Variants in TMOD1 observed in about 807,000 individuals in gnomAD.
TMOD1 encodes the protein tropomodulin-1.
In TMOD1, 17 loss-of-function variants were observed where a neutral mutation model predicts 40.6. The observed-to-expected ratio is 0.42, with a 90% CI of 0.29 to 0.63. The LOEUF (loss-of-function observed/expected upper bound fraction) is 0.63. TMOD1 is among the 20% of genes least tolerant of loss of function. The pLI, the probability that TMOD1 is intolerant of heterozygous loss-of-function variation, is 0.22. For missense variants in TMOD1, 391 were observed against 447.6 expected (o/e 0.87, Z 1.14); for synonymous variants, 181 against 175.0 (o/e 1.03, Z -0.27).
At chr9:97,593,871 T>C (rs76156024) in intron 9 of TMOD1, among the ~76,000 whole-genome samples, 2,132 of 151,742 alleles carry the variant, frequency 0.014, 103 homozygotes, top group East Asian at 0.13. Context: ...TCTAAAAGGA[T>C]TGGAGGAACT....
At chr9:97,541,969 T>G (rs1274357097) in intron 2 of TMOD1, among the ~76,000 whole-genome samples, 1 of 152,250 alleles carries the variant, frequency 6.6e-6, no homozygotes, top group African/African-American at 2.4e-5. Flanking sequence ...AGCACAAATG[T>G]TTTTAATTTT....
At position 97,546,167 on chromosome 9, in the gene TMOD1, C is replaced by G. The variant is rs746936726; in HGVS notation, c.121-18C>G. 1.9e-6 allele frequency: 3 copies of G among 1,594,918 alleles called. No individual in the cohort carries two copies. Among genetic ancestry groups the G allele is most frequent in the Non-Finnish European group, 1.7e-6 (2 of 1,173,524 alleles). On this transcript the variant is annotated intron_variant, in intron 2 of 9. Coordinates refer to ENST00000259365, the MANE Select transcript of TMOD1 (RefSeq NM_003275.4). ...CTCTCTTTCTCTCTCTCCTGCCCCC[C>G]CACAACCTCCAATGTAGAATGCACT...
intron 2 of TMOD1, among the ~76,000 whole-genome samples, chr9:97,533,764 C>T (rs79748840): frequency 0.021 from 3,224 of 152,320 alleles, 124 homozygotes; most frequent in African/African-American, 0.073. Flanking sequence ...GGCCTCACAG[C>T]CCTGGGCTGA....
chr9:97,502,320 G>T lies in TMOD1; in HGVS notation c.-49+517G>T, dbSNP rs1053597400. 3.3e-5 allele frequency among the ~76,000 whole-genome samples: 5 copies of T among 152,210 alleles called. No homozygotes were observed. Among genetic ancestry groups the T allele is most frequent in the Admixed American group, 2.6e-4 (4 of 15,292 alleles). Reference sequence around the variant, plus strand: ...AGGCTCGACTGGACGTGGATCCCAGGTTCGCGCTGAGAGTGTTTGGGGCAG... The same window carrying T: ...AGGCTCGACTGGACGTGGATCCCAGTTTCGCGCTGAGAGTGTTTGGGGCAG... On this transcript the variant is annotated intron_variant, in intron 1 of 9. Transcript: ENST00000259365. This position sits in a 1 kb window ranked among gnomAD's most constrained non-coding sequence, Gnocchi z 6.1.
At chr9:97,567,623 C>T (rs1238807818) in intron 7 of TMOD1, among the ~76,000 whole-genome samples, 2 of 152,144 alleles carry the variant, frequency 1.3e-5, no homozygotes, top group Non-Finnish European at 2.9e-5. Context: ...TAAGCCAGGC[C>T]AGGCCTTTCC....
At position 97,582,180 on chromosome 9, in the gene TMOD1, G is replaced by C. The variant is rs1463064912; in HGVS notation, c.871-9111G>C. ...CCATCTTGAATTGATTTTTGTAGAAGGTGTAAGGAAGGGATCCAGTTTCAG... is the reference window on the plus strand; with the variant it reads ...CCATCTTGAATTGATTTTTGTAGAACGTGTAAGGAAGGGATCCAGTTTCAG... On this transcript the variant is annotated intron_variant, in intron 8 of 9. Transcript: ENST00000259365. Among the ~76,000 whole-genome samples, 4 of 151,524 alleles carry C rather than the reference G, an allele frequency of 2.6e-5. No homozygotes were observed. In the East Asian group the frequency reaches 7.8e-4, roughly 29 times the overall value.
chr9:97,559,492 G>A (rs900461136), intron 4 of TMOD1, among the ~76,000 whole-genome samples: 6 of 151,352 alleles, frequency 4.0e-5, no homozygotes, highest in Non-Finnish European at 7.4e-5. Flanking sequence ...TCGGCCGGGC[G>A]TGGTGGCTCA....
At chr9:97,536,455 C>T (rs907296851) in intron 2 of TMOD1, among the ~76,000 whole-genome samples, 2 of 152,080 alleles carry the variant, frequency 1.3e-5, no homozygotes, top group African/African-American at 4.8e-5. Flanking sequence ...TGGTTTCACT[C>T]CTACCCCAGG....
chr9:97,576,794 C>G (rs910446283), intron 8 of TMOD1, among the ~76,000 whole-genome samples: 1 of 152,136 alleles, frequency 6.6e-6, no homozygotes, highest in Admixed American at 6.5e-5. Flanking sequence ...CCACCACGTC[C>G]AGCTAATTTT....
chr9:97,509,648 C>T (rs1243938048), intron 1 of TMOD1, among the ~76,000 whole-genome samples: 1 of 151,908 alleles, frequency 6.6e-6, no homozygotes, highest in African/African-American at 2.4e-5. Flanking sequence ...GTGCATGCCA[C>T]CATGCCCAGC....
intron 8 of TMOD1, among the ~76,000 whole-genome samples, chr9:97,584,667 T>G (rs1202519576): frequency 1.3e-5 from 2 of 152,180 alleles, no homozygotes; most frequent in African/African-American, 4.8e-5. Context: ...AGGACTTGCT[T>G]TATGAATCTG....
chr9:97,523,216 G>A (rs1183613366), intron 1 of TMOD1, among the ~76,000 whole-genome samples: 1 of 152,188 alleles, frequency 6.6e-6, no homozygotes, highest in African/African-American at 2.4e-5. Context: ...GCAGAGACAG[G>A]GTCCAAACAC....
chr9:97,554,108 C>T (rs1830497344), intron 4 of TMOD1, among the ~76,000 whole-genome samples: 1 of 149,234 alleles, frequency 6.7e-6, no homozygotes, highest in African/African-American at 2.5e-5. Flanking sequence ...CTACTGTGCT[C>T]TCTGATCCAG....
intron 1 of TMOD1, among the ~76,000 whole-genome samples, chr9:97,507,961 A>G (rs776763110): frequency 3.3e-5 from 5 of 152,090 alleles, no homozygotes; most frequent in Non-Finnish European, 5.9e-5. Flanking sequence ...CAGGGAACCT[A>G]GGAGCAATGA....
chr9:97,575,019 C>A (rs1830901656), intron 8 of TMOD1, among the ~76,000 whole-genome samples: 2 of 152,322 alleles, frequency 1.3e-5, no homozygotes, highest in East Asian at 3.9e-4. Context: ...AGAATAAAAG[C>A]AGGCTGCCGG....
chr9:97,521,074 C>G (rs1204150327), intron 1 of TMOD1, among the ~76,000 whole-genome samples: 1 of 152,182 alleles, frequency 6.6e-6, no homozygotes, highest in East Asian at 1.9e-4. Flanking sequence ...GTCTGATGTT[C>G]CCCAGAAGTG....
At chr9:97,562,150 A>C (rs924228372) in intron 4 of TMOD1, among the ~76,000 whole-genome samples, 3 of 152,226 alleles carry the variant, frequency 2.0e-5, no homozygotes, top group African/African-American at 7.2e-5. Context: ...GGGAGCAATA[A>C]GATCAGGTTG....
At chr9:97,538,000 G>A (rs770857837) in intron 2 of TMOD1, among the ~76,000 whole-genome samples, 5 of 152,092 alleles carry the variant, frequency 3.3e-5, no homozygotes, top group Non-Finnish European at 5.9e-5. Flanking sequence ...TTTGGACTAC[G>A]TGTCAATATT....
chr9:97,551,575 C>G (rs192809739), intron 3 of TMOD1, among the ~76,000 whole-genome samples: 1 of 152,162 alleles, frequency 6.6e-6, no homozygotes, highest in Non-Finnish European at 1.5e-5. Flanking sequence ...TCTATCCTTA[C>G]GCCAGCACTA....
Sources: allele counts gnomAD v4.1 joint callset (sites outside exome capture counted in the v4.1 genomes callset), GRCh38; gene constraint gnomAD v4.1.1; non-coding constraint Gnocchi (gnomAD v3.1); transcripts MANE v1.5; gene names NCBI Gene and HGNC (gene_info 2026-07-23, HGNC 2026-07-21).